Variants in TUSC3 observed in about 807,000 individuals in gnomAD.
TUSC3 encodes the protein dolichyl-diphosphooligosaccharide--protein glycosyltransferase subunit TUSC3.
TUSC3 carries 45 observed loss-of-function variants against 44.8 expected under a neutral mutation model. The observed-to-expected ratio is 1.00, with a 90% CI of 0.79 to 1.29. TUSC3 has a LOEUF of 1.29. Ranked by LOEUF, TUSC3 falls within the 50% of genes most tolerant of loss-of-function variation. The pLI, the probability that TUSC3 is intolerant of heterozygous loss-of-function variation, is 0.00. For synonymous variants in TUSC3, 212 were observed against 152.9 expected, an observed-to-expected ratio of 1.39 and a Z score of -2.85; for missense variants, 519 against 437.9, an observed-to-expected ratio of 1.19 and a Z score of -1.65.
chr8:15,522,524 T>C (rs920519620), intron 2 of TUSC3, among the ~76,000 whole-genome samples: 12 of 151,468 alleles, frequency 7.9e-5, no homozygotes, highest in Admixed American at 7.9e-4. Context: ...TGAGCCACCA[T>C]GCCCAGCCTA....
rs373485814 is a variant in TUSC3 at position 15,649,099 on chromosome 8, G to T, written c.309-1598G>T. ...ATCTTTTCTGACAGAATTTTTATAA[G>T]TATGTTAGTTACAGTTACACTTCCA... On this transcript the variant is annotated intron_variant, in intron 2 of 10. Transcript: ENST00000503731. 1.7e-4 allele frequency among the ~76,000 whole-genome samples: 26 copies of T among 152,244 alleles called. No homozygotes were observed. In the East Asian group the frequency reaches 3.9e-3, roughly 23 times the overall value.
the TUSC3 span, among the ~76,000 whole-genome samples, chr8:15,790,578 T>C: frequency 6.6e-6 from 1 of 152,100 alleles, no homozygotes; most frequent in Non-Finnish European, 1.5e-5. Flanking sequence ...GTGCCACCTA[T>C]TGTTTCTGGC....
chr8:15,565,372 T>G (rs1270282085), intron 1 of TUSC3, among the ~76,000 whole-genome samples: 1 of 152,266 alleles, frequency 6.6e-6, no homozygotes, highest in African/African-American at 2.4e-5. Context: ...GGATCATTTG[T>G]TTAGTCACAT....
chr8:15,825,076 T>C, the TUSC3 span, among the ~76,000 whole-genome samples: 18 of 152,214 alleles, frequency 1.2e-4, no homozygotes, highest in African/African-American at 3.9e-4. Flanking sequence ...CCTATGACCA[T>C]GCTATTATGT....
chr8:15,670,275 A>T (rs1392508766), intron 5 of TUSC3, among the ~76,000 whole-genome samples: 1 of 151,834 alleles, frequency 6.6e-6, no homozygotes, highest in African/African-American at 2.4e-5. Flanking sequence ...AATATGAAGG[A>T]AGAATAATGC....
intron 1 of TUSC3, among the ~76,000 whole-genome samples, chr8:15,459,960 C>T (rs1483935574): frequency 2.0e-5 from 3 of 151,936 alleles, no homozygotes; most frequent in Non-Finnish European, 2.9e-5. Context: ...GGGTTGGTTC[C>T]AGAATTTTGC....
At chr8:15,653,077 C>T (rs746681791) in intron 3 of TUSC3, among the ~76,000 whole-genome samples, 1 of 152,180 alleles carries the variant, frequency 6.6e-6, no homozygotes, top group Non-Finnish European at 1.5e-5. Flanking sequence ...CAGAAACACT[C>T]ATTTTTCACT....
intron 1 of TUSC3, among the ~76,000 whole-genome samples, chr8:15,616,714 TG>T (rs1245970459): frequency 1.3e-5 from 2 of 152,214 alleles, no homozygotes; most frequent in African/African-American, 4.8e-5. Context: ...CAACAGTCCT[TG>T]GGGGCTCTGA....
chr8:15,603,656 C>G (rs967798110), intron 1 of TUSC3, among the ~76,000 whole-genome samples: 10 of 151,432 alleles, frequency 6.6e-5, no homozygotes, highest in Non-Finnish European at 1.5e-4. Context: ...AGTGACAGGT[C>G]TGATAGCCAT....
At chr8:15,499,441 G>T (rs113831049) in intron 2 of TUSC3, among the ~76,000 whole-genome samples, 2 of 152,178 alleles carry the variant, frequency 1.3e-5, no homozygotes, top group African/African-American at 4.8e-5. Flanking sequence ...CCACGCCTCT[G>T]ACCTCAGCAA....
intron 1 of TUSC3, among the ~76,000 whole-genome samples, chr8:15,480,053 G>C (rs1800637388): frequency 6.6e-6 from 1 of 152,096 alleles, no homozygotes; most frequent in South Asian, 2.1e-4. Context: ...ATTTACAATT[G>C]CTACAAAGAG....
At chr8:15,539,448 G>A (rs1342634186), upstream of TUSC3, among the ~76,000 whole-genome samples, 4 of 140,712 alleles carry the variant, frequency 2.8e-5, no homozygotes, top group African/African-American at 1.1e-4. Context: ...TGCCTCCCGG[G>A]TTTATGCCAT....
At chr8:15,480,444 A>G (rs1190576376) in intron 1 of TUSC3, among the ~76,000 whole-genome samples, 1 of 152,234 alleles carries the variant, frequency 6.6e-6, no homozygotes, top group Admixed American at 6.5e-5. Context: ...GGTTTAAACA[A>G]CAGATATGTA....
At chr8:15,638,784 C>G (rs2129170832) in intron 2 of TUSC3, among the ~76,000 whole-genome samples, 1 of 152,302 alleles carries the variant, frequency 6.6e-6, no homozygotes, top group East Asian at 1.9e-4. Flanking sequence ...CCTTGGCCTC[C>G]CAAAGTGCTG....
chr8:15,795,665 G>C, the TUSC3 span, among the ~76,000 whole-genome samples: 1 of 152,330 alleles, frequency 6.6e-6, no homozygotes, highest in African/African-American at 2.4e-5. Context: ...AGGACACAGA[G>C]TCCCTGGAAA....
the TUSC3 span, among the ~76,000 whole-genome samples, chr8:15,830,317 G>C: frequency 4.0e-5 from 6 of 151,870 alleles, no homozygotes; most frequent in Admixed American, 3.9e-4. Flanking sequence ...GCTTGTTTTT[G>C]CTGCATTTAC....
intron 6 of TUSC3, among the ~76,000 whole-genome samples, chr8:15,720,201 T>TATATACACACAC (rs369753796): frequency 2.0e-4 from 28 of 141,700 alleles, no homozygotes; most frequent in African/African-American, 6.5e-4. Context: ...TATATATATA[T>TATATACACACAC]ACACACACAC....
Position 15,748,335 on chromosome 8 carries a change from A to G in TUSC3, c.938-40A>G, listed in dbSNP as rs542680742. 16 of 1,467,316 alleles carry G rather than the reference A, an allele frequency of 1.1e-5. No homozygotes were observed. In the African/African-American group the frequency reaches 1.4e-4, roughly 13 times the overall value. 90.9% of individuals were successfully genotyped at this position (1,467,316 alleles called of 1,614,324 possible). On this transcript the variant is annotated intron_variant, in intron 8 of 10. Transcript: ENST00000503731. Reference sequence around the variant, plus strand: ...TATAAACAATTGGGGTTTCATTTGCATATTTTTAGACACTAATGGTATTTT... The same window carrying G: ...TATAAACAATTGGGGTTTCATTTGCGTATTTTTAGACACTAATGGTATTTT...
intron 1 of TUSC3, among the ~76,000 whole-genome samples, chr8:15,574,533 G>A (rs1585115890): frequency 6.6e-6 from 1 of 152,004 alleles, no homozygotes; most frequent in South Asian, 2.1e-4. Context: ...GTTAGGTTAG[G>A]GTGGGTCTGG....
Sources: allele counts gnomAD v4.1 joint callset (sites outside exome capture counted in the v4.1 genomes callset), GRCh38; gene constraint gnomAD v4.1.1; transcripts MANE v1.5; gene names NCBI Gene and HGNC (gene_info 2026-07-23, HGNC 2026-07-21).